CFAP58: variants seen among roughly 807,000 people sequenced by gnomAD.
CFAP58 encodes cilia and flagella associated protein 58, also known as cilia- and flagella-associated protein 58.
In CFAP58, 88 loss-of-function variants were observed where a neutral mutation model predicts 119.5. The observed-to-expected ratio is 0.74, with a 90% confidence interval of 0.62 to 0.88. The LOEUF (loss-of-function observed/expected upper bound fraction) is 0.88, where lower values mean the gene tolerates loss of function less well. Ranked by LOEUF, CFAP58 falls within the 40% of genes least tolerant of loss-of-function variation. CFAP58 has a pLI of 0.00. For synonymous variants in CFAP58, 365 were observed against 366.3 expected, an observed-to-expected ratio of 1.00 and a Z score of 0.04; for missense variants, 990 against 1,021.2, an observed-to-expected ratio of 0.97 and a Z score of 0.42.
At chr10:104,341,641 G>T in the CFAP58 span, among the ~76,000 whole-genome samples, 1 of 151,358 alleles carries the variant, frequency 6.6e-6, no homozygotes, top group Non-Finnish European at 1.5e-5. Flanking sequence ...GGAAAGAAAA[G>T]TAATATATTA....
At chr10:104,344,403 C>T in the CFAP58 span, among the ~76,000 whole-genome samples, 1 of 152,326 alleles carries the variant, frequency 6.6e-6, no homozygotes, top group South Asian at 2.1e-4. Flanking sequence ...ATCCAGAGTG[C>T]CACCTGCTTC....
At chr10:104,365,280 C>T (rs1318685690) in intron 4 of CFAP58, among the ~76,000 whole-genome samples, 1 of 152,222 alleles carries the variant, frequency 6.6e-6, no homozygotes, top group South Asian at 2.1e-4. Flanking sequence ...AACACTTTTA[C>T]ATAAAGCCAG....
intron 4 of CFAP58, 106 bp from the exon 5 acceptor site, chr10:104,365,708 G>A: frequency 1.0e-6 from 1 of 960,006 alleles, no homozygotes; most frequent in Non-Finnish European, 1.6e-6. Flanking sequence ...ACTGCAAAGT[G>A]CTGCCTTGAC....
At chr10:104,358,040 T>G (rs534103698) in intron 1 of CFAP58, among the ~76,000 whole-genome samples, 1 of 147,910 alleles carries the variant, frequency 6.8e-6, no homozygotes, top group East Asian at 2.0e-4. Context: ...CATATGTACA[T>G]ATACACACAT....
intron 1 of CFAP58, among the ~76,000 whole-genome samples, chr10:104,358,102 C>CAT (rs1554912831): frequency 1.8e-4 from 27 of 146,328 alleles, no homozygotes; most frequent in Admixed American, 7.5e-4. Context: ...TATATATGTA[C>CAT]ATATATACAC....
rs1451720862 is a variant in CFAP58 at position 104,392,259 on chromosome 10, A to G, written c.1392A>G (p.Lys464=). 6.2e-7 allele frequency: 1 copy of G among 1,611,946 alleles called. No individual in the cohort carries two copies. The highest frequency in any genetic ancestry group is 1.3e-5 in the African/African-American group (1 of 74,710). Residue 464 remains lysine (K), a synonymous_variant, in exon 10 of 18, where the codon AAA becomes AAG. Transcript: ENST00000369704. ...TCCTTATGAACATGGAAGACATAAA[A>G]GTTCGTGAAACACAGATTTTTGACT... ...QKVLMNMEDI[K]VRETQIFDYR...
At chr10:104,396,286 C>T (rs2012151847) in intron 11 of CFAP58, among the ~76,000 whole-genome samples, 1 of 151,884 alleles carries the variant, frequency 6.6e-6, no homozygotes, top group Non-Finnish European at 1.5e-5. Flanking sequence ...AGCTCAGCAC[C>T]ACATTAGAGC....
At chr10:104,451,727 C>T (rs2013198035) in intron 17 of CFAP58, among the ~76,000 whole-genome samples, 1 of 152,150 alleles carries the variant, frequency 6.6e-6, no homozygotes. Context: ...TTTGATTGTG[C>T]ACCCTTATCA....
intron 14 of CFAP58, among the ~76,000 whole-genome samples, chr10:104,405,917 A>G (rs575259714): frequency 1.6e-4 from 24 of 152,298 alleles, no homozygotes; most frequent in Non-Finnish European, 3.1e-4. Flanking sequence ...AAACCTGGGC[A>G]GTCTAGTGAG....
At chr10:104,399,970 A>G (rs779166962) in intron 12 of CFAP58, among the ~76,000 whole-genome samples, 23 of 152,188 alleles carry the variant, frequency 1.5e-4, no homozygotes, top group Non-Finnish European at 3.1e-4. Flanking sequence ...TAGAAATTTA[A>G]CTGCTCTGAG....
intron 9 of CFAP58, among the ~76,000 whole-genome samples, chr10:104,388,766 A>T (rs2011975915): frequency 3.3e-5 from 5 of 152,162 alleles, no homozygotes; most frequent in Admixed American, 3.3e-4. Flanking sequence ...GTTTTCCTGT[A>T]TGCGTTATTG....
At position 104,362,060 on chromosome 10, in the gene CFAP58, A is replaced by G. The variant is rs749571091; in HGVS notation, c.329A>G (p.Tyr110Cys). 13 of 1,614,020 alleles carry G rather than the reference A, an allele frequency of 8.1e-6. No individual in the cohort carries two copies. The South Asian group carries it at 1.2e-4, about 15-fold the overall frequency. The change falls in exon 3 of 18, where the codon TAT becomes TGT. Residue 110 changes from tyrosine to cysteine, a missense_variant. Transcript: ENST00000369704. Reference sequence around the variant, plus strand: ...GCCTGGAAGATGGTGGACTCAGCCTATGACAAAGAGCAGAAGGCCAAGGAG... The same window carrying G: ...GCCTGGAAGATGGTGGACTCAGCCTGTGACAAAGAGCAGAAGGCCAAGGAG... Reference protein sequence around the residue: ...EKAWKMVDSAYDKEQKAKETI... With the variant: ...EKAWKMVDSACDKEQKAKETI...
At chr10:104,340,759 C>G in the CFAP58 span, among the ~76,000 whole-genome samples, 1 of 152,116 alleles carries the variant, frequency 6.6e-6, no homozygotes, top group East Asian at 1.9e-4. Context: ...TGACTAAGGA[C>G]CAGGGGTGAG....
At chr10:104,391,584 G>A (rs1207004511) in intron 9 of CFAP58, among the ~76,000 whole-genome samples, 1 of 152,156 alleles carries the variant, frequency 6.6e-6, no homozygotes, top group Non-Finnish European at 1.5e-5. Flanking sequence ...TGTGTGCATG[G>A]CTTGTTGAGA....
In CFAP58 at chr10:104,358,459, A is replaced by T. The variant is rs368634585; in HGVS notation, c.128A>T (p.Tyr43Phe). 1 of 1,614,096 alleles carries T rather than the reference A, an allele frequency of 6.2e-7. No individual in the cohort carries two copies. Among genetic ancestry groups the T allele is most frequent in the Non-Finnish European group, 8.5e-7 (1 of 1,180,022 alleles). ...DKSLEKFRIE[Y>F]ERLHAVMKKS... Reference sequence around the variant, plus strand: ...AGTTTGGAAAAATTTCGGATTGAATATGAGAGGCTTCATGCTGTCATGAAA... The same window carrying T: ...AGTTTGGAAAAATTTCGGATTGAATTTGAGAGGCTTCATGCTGTCATGAAA... The change falls in exon 2 of 18, where the codon TAT (tyrosine) becomes TTT (phenylalanine). Residue 43 changes from tyrosine to phenylalanine, a missense_variant. Tyr to Phe is a conservative substitution (Grantham distance 22). Transcript: ENST00000369704.
upstream of CFAP58, among the ~76,000 whole-genome samples, chr10:104,349,657 G>C (rs2014437207): frequency 6.6e-6 from 1 of 152,208 alleles, no homozygotes; most frequent in African/African-American, 2.4e-5. Flanking sequence ...TCATCTTAGA[G>C]CTCCTGTAGT....
intron 9 of CFAP58, among the ~76,000 whole-genome samples, chr10:104,381,404 G>A (rs945870556): frequency 5.3e-5 from 8 of 152,160 alleles, no homozygotes; most frequent in African/African-American, 1.9e-4. Flanking sequence ...ATGGCATAGA[G>A]CAGTGGTCTA....
chr10:104,364,695 T>C (rs772200481), intron 3 of CFAP58, 38 bp from the exon 4 acceptor site: 1 of 1,605,366 alleles, frequency 6.2e-7, no homozygotes, highest in South Asian at 1.1e-5. Flanking sequence ...CCTGAGCAGA[T>C]GGCCATTTAG....
rs768838766 is a variant in CFAP58 at position 104,370,987 on chromosome 10, A to G, written c.1023A>G (p.Glu341=). The G allele has an allele frequency of 6.2e-7, 1 of 1,613,778 alleles. No individual in the cohort carries two copies. The highest frequency in any genetic ancestry group is 8.5e-7 in the Non-Finnish European group (1 of 1,179,916). ...TTCATAAGAAATTGCACCACACCGAAGATCAAAAGGCAGAAGTCGAACAGC... is the reference window on the plus strand; with the variant it reads ...TTCATAAGAAATTGCACCACACCGAGGATCAAAAGGCAGAAGTCGAACAGC... The part of the protein sequence containing the change: ...EQIHKKLHHT[E]DQKAEVEQHK... The change falls in exon 7 of 18, where the codon GAA becomes GAG. Residue 341 remains glutamate, a synonymous_variant. Coordinates refer to ENST00000369704, the MANE Select transcript of CFAP58 (RefSeq NM_001008723.2).
Sources: allele counts gnomAD v4.1 joint callset (sites outside exome capture counted in the v4.1 genomes callset), GRCh38; gene constraint gnomAD v4.1.1; transcripts MANE v1.5; gene names NCBI Gene and HGNC (gene_info 2026-07-23, HGNC 2026-07-21).